The following RORA variants were observed in gnomAD, a reference collection of about 807,000 sequenced individuals.
RORA encodes RAR related orphan receptor A, also known as nuclear receptor ROR-alpha.
In RORA, 7 loss-of-function variants were observed where a neutral mutation model predicts 69.5. That is an observed-to-expected ratio of 0.10 (90% confidence interval 0.06 to 0.19). The LOEUF (loss-of-function observed/expected upper bound fraction) is 0.19. Among genes scored for constraint, RORA ranks in the 10% least tolerant of loss-of-function variants. RORA has a pLI of 1.00. For synonymous variants in RORA, 261 were observed against 240.8 expected, an observed-to-expected ratio of 1.08 and a Z score of -0.78; for missense variants, 457 against 663.0, an observed-to-expected ratio of 0.69 and a Z score of 3.41.
chr15:61,028,289 G>A (rs987266040), intron 1 of RORA, among the ~76,000 whole-genome samples: 1 of 152,190 alleles, frequency 6.6e-6, no homozygotes, highest in African/African-American at 2.4e-5. Context: ...GGGGCATGAG[G>A]AGGAGTTGAG....
chr15:60,676,982 G>C (rs539891956), intron 2 of RORA: 2 of 329,560 alleles, frequency 6.1e-6, no homozygotes, highest in African/African-American at 4.3e-5. Flanking sequence ...TAGTGGTTTT[G>C]TTCACTTATC....
intron 1 of RORA, among the ~76,000 whole-genome samples, chr15:61,077,400 A>T (rs1485867977): frequency 2.0e-5 from 3 of 152,180 alleles, no homozygotes; most frequent in Non-Finnish European, 4.4e-5. Context: ...ACCTTGAAAG[A>T]CACGTCCAGA....
chr15:60,927,303 C>G lies in RORA; in HGVS notation c.167-248617G>C, dbSNP rs541209125. ...TATCCTATGCGATATGGAATGGAGG[C>G]AAAGGATGTGTCCTACTGTCATCTG... is the stretch of plus-strand genomic sequence containing the variant. On this transcript the variant is annotated intron_variant, in intron 1 of 10. Coordinates refer to ENST00000335670, the MANE Select transcript of RORA (RefSeq NM_134261.3). 1.1e-4 allele frequency among the ~76,000 whole-genome samples: 16 copies of G among 152,330 alleles called. No homozygotes were observed. In the South Asian group the frequency reaches 3.3e-3, roughly 32 times the overall value.
At chr15:60,830,377 C>T (rs1315689514) in intron 1 of RORA, among the ~76,000 whole-genome samples, 1 of 152,154 alleles carries the variant, frequency 6.6e-6, no homozygotes, top group Non-Finnish European at 1.5e-5. Flanking sequence ...TGGGATCATG[C>T]TGCAGATGCA....
At chr15:60,761,753 T>A (rs538904913) in intron 1 of RORA, among the ~76,000 whole-genome samples, 7 of 152,242 alleles carry the variant, frequency 4.6e-5, no homozygotes, top group African/African-American at 1.7e-4. Context: ...CAAAACACTA[T>A]ATGAGAATTT....
At chr15:61,037,327 T>C (rs990556022) in intron 1 of RORA, among the ~76,000 whole-genome samples, 1 of 152,170 alleles carries the variant, frequency 6.6e-6, no homozygotes, top group Admixed American at 6.5e-5. Flanking sequence ...CTGAAGCAGA[T>C]TCCAACCAAA....
intron 1 of RORA, among the ~76,000 whole-genome samples, chr15:61,164,662 AC>A (rs901205867): frequency 7.9e-5 from 12 of 151,890 alleles, no homozygotes; most frequent in Admixed American, 5.3e-4. Context: ...TTTTTTCTCA[AC>A]CTCTGACACA....
chr15:60,606,448 G>C (rs1477294092), intron 2 of RORA, among the ~76,000 whole-genome samples: 1 of 148,196 alleles, frequency 6.7e-6, no homozygotes, highest in Admixed American at 6.7e-5. Context: ...GGTCTTTCTT[G>C]TTGTTGTTTT....
chr15:60,914,492 G>A (rs548868106), intron 1 of RORA, among the ~76,000 whole-genome samples: 1 of 152,338 alleles, frequency 6.6e-6, no homozygotes, highest in South Asian at 2.1e-4. Flanking sequence ...TTGCCTTCGG[G>A]ATTTGACTTT....
intron 1 of RORA, among the ~76,000 whole-genome samples, chr15:60,779,040 A>G (rs1464966547): frequency 6.6e-6 from 1 of 152,090 alleles, no homozygotes; most frequent in Non-Finnish European, 1.5e-5. Flanking sequence ...TCCTCCCAAC[A>G]CTGTGTGAGG....
intron 1 of RORA, among the ~76,000 whole-genome samples, chr15:60,739,133 C>A (rs1182516901): frequency 6.6e-6 from 1 of 152,156 alleles, no homozygotes; most frequent in East Asian, 1.9e-4. Flanking sequence ...ACAGTCCAAC[C>A]CATAACCCAG....
At chr15:60,841,664 C>T (rs2073199914) in intron 1 of RORA, among the ~76,000 whole-genome samples, 1 of 152,186 alleles carries the variant, frequency 6.6e-6, no homozygotes. Context: ...AATTCGAAGG[C>T]CACAAGTGGA....
At chr15:61,217,468 G>A (rs2140943669) in intron 1 of RORA, among the ~76,000 whole-genome samples, 1 of 152,234 alleles carries the variant, frequency 6.6e-6, no homozygotes, top group South Asian at 2.1e-4. Flanking sequence ...TGAGGCAGAG[G>A]AGGAGGGGAA....
At chr15:61,141,002 T>C (rs756772219) in intron 1 of RORA, among the ~76,000 whole-genome samples, 11 of 152,124 alleles carry the variant, frequency 7.2e-5, no homozygotes, top group Non-Finnish European at 1.0e-4. Context: ...TTCAGAACCC[T>C]AAATCCTACC....
chr15:61,174,675 G>A (rs566912708), intron 1 of RORA, among the ~76,000 whole-genome samples: 2 of 152,256 alleles, frequency 1.3e-5, no homozygotes, highest in East Asian at 3.9e-4. Context: ...TGACTCCTGA[G>A]CCTGACTACA....
chr15:61,188,327 G>C (rs1304427284), intron 1 of RORA, among the ~76,000 whole-genome samples: 2 of 152,168 alleles, frequency 1.3e-5, no homozygotes, highest in East Asian at 3.9e-4. Context: ...AGTAGGTGTG[G>C]CTGTGTTCGA....
chr15:61,084,622 G>T (rs1029173085), intron 1 of RORA, among the ~76,000 whole-genome samples: 1 of 152,130 alleles, frequency 6.6e-6, no homozygotes, highest in African/African-American at 2.4e-5. Flanking sequence ...TCTCTTGGCA[G>T]AATCTTCAAG....
At position 60,910,885 on chromosome 15, in the gene RORA, TG is replaced by T. The variant is rs375420513; in HGVS notation, c.167-232200del. On this transcript the variant is annotated intron_variant, in intron 1 of 10. Transcript: ENST00000335670. ...TATGAGGCTCTGGCTGTTTTTTTTT[TG>T]TTGTTGTTGTTTTTTGGGTTTTTTT... is the stretch of plus-strand genomic sequence containing the variant. Among the ~76,000 whole-genome samples the T allele has an allele frequency of 6.0e-3, 845 of 139,840 alleles. 7 individuals are homozygous for T. The highest frequency in any genetic ancestry group is 0.021 in the African/African-American group (782 of 36,564). 91.7% of individuals were successfully genotyped at this position (139,840 alleles called of 152,430 possible).
intron 1 of RORA, among the ~76,000 whole-genome samples, chr15:60,965,071 G>C (rs778651961): frequency 4.6e-5 from 7 of 152,138 alleles, no homozygotes; most frequent in Non-Finnish European, 7.4e-5. Flanking sequence ...ACCAGGCATA[G>C]ATTAGGTTCT....
Sources: allele counts gnomAD v4.1 joint callset (sites outside exome capture counted in the v4.1 genomes callset), GRCh38; gene constraint gnomAD v4.1.1; transcripts MANE v1.5; gene names NCBI Gene and HGNC (gene_info 2026-07-23, HGNC 2026-07-21).